The following RGMA variants were observed in gnomAD, a reference collection of about 807,000 sequenced individuals.
RGMA encodes the protein repulsive guidance molecule BMP co-receptor a.
In RGMA, 10 loss-of-function variants were observed where a neutral mutation model predicts 23.2. The ratio of observed to expected loss-of-function variants is 0.43; its 90% CI spans 0.27 to 0.73. RGMA has a LOEUF of 0.73. Among genes scored for constraint, RGMA ranks in the 30% least tolerant of loss-of-function variants. The probability of loss-of-function intolerance (pLI) is 0.20; values close to 1 mark genes in which losing one functional copy is unlikely to be tolerated. For synonymous variants in RGMA, 308 were observed against 279.3 expected (o/e 1.10, Z -1.03); for missense variants, 547 against 630.5 (o/e 0.87, Z 1.42).
chr15:93,059,593 A>G (rs2055069676), intron 2 of RGMA, among the ~76,000 whole-genome samples: 3 of 152,218 alleles, frequency 2.0e-5, no homozygotes, highest in African/African-American at 7.2e-5. Context: ...GATGGGTCCC[A>G]GAAATGTGTG....
chr15:93,041,348 G>A lies in RGMA; in HGVS notation c.*3650C>T, dbSNP rs963228480. On this transcript the variant is annotated 3_prime_UTR_variant, in exon 4 of 4. Transcript: ENST00000329082. Reference sequence around the variant, plus strand: ...CCAGGCCGCAGGCCTCCGCGGAGCTGGCAGCCAGGAACCTCCAGAGGCTCC... The same window carrying A: ...CCAGGCCGCAGGCCTCCGCGGAGCTAGCAGCCAGGAACCTCCAGAGGCTCC... 5 of 152,232 alleles carry A rather than the reference G, an allele frequency of 3.3e-5. No homozygotes were observed. Among genetic ancestry groups the A allele is most frequent in the Non-Finnish European group, 7.3e-5 (5 of 68,068 alleles). 9.4% of individuals were successfully genotyped at this position (152,232 alleles called of 1,614,324 possible). A position where few individuals can be genotyped will look rare whatever the true frequency, so the allele number is the denominator to read the frequency against.
At chr15:93,066,448 G>A (rs1000731270) in intron 2 of RGMA, 13 of 595,272 alleles carry the variant, frequency 2.2e-5, no homozygotes, top group Admixed American at 4.3e-5. Context: ...GGCTGCCGCC[G>A]GGTTGCCACG....
chr15:93,069,866 G>C (rs1895268751), intron 2 of RGMA, among the ~76,000 whole-genome samples: 1 of 152,262 alleles, frequency 6.6e-6, no homozygotes, highest in East Asian at 1.9e-4. Flanking sequence ...ACATATGCCT[G>C]GATGGATTTC....
Position 93,088,269 on chromosome 15 carries a change from C to T in RGMA, c.14+650G>A, listed in dbSNP as rs572668431. The T allele has an allele frequency of 3.4e-5, 34 of 985,522 alleles. No homozygotes were observed. The South Asian group carries it at 5.2e-4, about 15-fold the overall frequency. 61.0% of individuals were successfully genotyped at this position (985,522 alleles called of 1,614,324 possible). ...CATTGAATACACCTGTCCCCCATGC[C>T]CGGGCTTGTACCCTGGGTTGAGCTG... On this transcript the variant is annotated intron_variant, in intron 1 of 3. Transcript: ENST00000329082.
intron 1 of RGMA, chr15:93,088,317 G>C: frequency 1.0e-6 from 1 of 985,416 alleles, no homozygotes; most frequent in Non-Finnish European, 1.2e-6. Context: ...GCGCTGAATC[G>C]TCGCCGTGCC....
chr15:93,088,650 G>T, intron 1 of RGMA: 1 of 1,017,806 alleles, frequency 9.8e-7, no homozygotes, highest in Non-Finnish European at 1.3e-6. Context: ...TGTAAGGGAC[G>T]TGTGCCGGGT....
At chr15:93,083,414 G>A (rs1772946250) in intron 1 of RGMA, among the ~76,000 whole-genome samples, 1 of 151,712 alleles carries the variant, frequency 6.6e-6, no homozygotes, top group Non-Finnish European at 1.5e-5. Context: ...TGCAACCCCC[G>A]CTTCCAAGGT....
intron 2 of RGMA, among the ~76,000 whole-genome samples, chr15:93,058,808 C>T (rs8033959): frequency 0.21 from 31,263 of 152,066 alleles, 3,780 homozygotes; most frequent in Middle Eastern, 0.34. Context: ...GAAGGTGCTG[C>T]GGGGCCACAA....
chr15:93,037,819 G>A lies in RGMA; in HGVS notation c.*7179C>T, dbSNP rs1159649440. ...TGAGTTCAGATGTGGAAGAATCCAA[G>A]TGCCGTCTCAGGGTCACCCTGGGCA... On this transcript the variant is annotated 3_prime_UTR_variant, in exon 4 of 4. Transcript: ENST00000329082. This position sits in a 1 kb window ranked among gnomAD's most constrained non-coding sequence, Gnocchi z 4.3. 2 of 152,248 alleles carry A rather than the reference G, an allele frequency of 1.3e-5. No individual in the cohort carries two copies. Among genetic ancestry groups the A allele is most frequent in the Non-Finnish European group, 2.9e-5 (2 of 68,072 alleles). The allele number at this position is 152,248 out of a possible 1,614,324, so 9.4% of individuals were successfully genotyped here. A position where few individuals can be genotyped will look rare whatever the true frequency, so the allele number is the denominator to read the frequency against.
intron 3 of RGMA, among the ~76,000 whole-genome samples, chr15:93,046,241 G>A (rs1314151649): frequency 6.6e-6 from 1 of 152,164 alleles, no homozygotes; most frequent in Non-Finnish European, 1.5e-5. Context: ...AGGGAGATTT[G>A]ACTAACTAGG....
chr15:93,079,282 T>C (rs1258388004), intron 1 of RGMA, among the ~76,000 whole-genome samples: 2 of 152,238 alleles, frequency 1.3e-5, no homozygotes. Context: ...GACTTACTAT[T>C]GTAAATGACC....
At chr15:93,080,839 A>C (rs562476253) in intron 1 of RGMA, among the ~76,000 whole-genome samples, 25 of 151,774 alleles carry the variant, frequency 1.6e-4, no homozygotes, top group African/African-American at 6.0e-4. Context: ...TACTTCTCCC[A>C]TTTCTTTTTA....
intron 3 of RGMA, among the ~76,000 whole-genome samples, chr15:93,046,577 A>G (rs1469911516): frequency 6.6e-6 from 1 of 152,186 alleles, no homozygotes; most frequent in African/African-American, 2.4e-5. Flanking sequence ...CTGACAAAGG[A>G]CCCAAGCAAA....
intron 1 of RGMA, among the ~76,000 whole-genome samples, chr15:93,076,103 T>C (rs1354078711): frequency 6.6e-6 from 1 of 152,240 alleles, no homozygotes; most frequent in African/African-American, 2.4e-5. Flanking sequence ...AAAAGTGTAG[T>C]TGACTTCAAA....
At chr15:93,051,276 C>T (rs948098954) in intron 3 of RGMA, among the ~76,000 whole-genome samples, 5 of 152,168 alleles carry the variant, frequency 3.3e-5, no homozygotes, top group South Asian at 2.1e-4. Flanking sequence ...TGGCACTGCC[C>T]GACACACGGC....
intron 2 of RGMA, among the ~76,000 whole-genome samples, chr15:93,059,783 T>G (rs1224919577): frequency 6.6e-6 from 1 of 152,110 alleles, no homozygotes; most frequent in East Asian, 1.9e-4. Flanking sequence ...TCAAAAGCAA[T>G]AGCTGTGGTG....
chr15:93,070,868 T>C (rs1363045152), intron 2 of RGMA, among the ~76,000 whole-genome samples: 2 of 152,224 alleles, frequency 1.3e-5, no homozygotes, highest in Admixed American at 6.5e-5. Flanking sequence ...CTGTGACTTA[T>C]ATAACCTACC....
rs117183473 is a variant in RGMA, at chr15:93,036,937, A to G, written c.*8061T>C. ...ACAAAGCAATGCAGGACTCGTTTCT[A>G]TTTCCCAAGGAGGTAGACGTGGTGT... is the stretch of plus-strand genomic sequence containing the variant. On this transcript the variant is annotated 3_prime_UTR_variant, in exon 4 of 4. Coordinates refer to ENST00000329082, the MANE Select transcript of RGMA (RefSeq NM_020211.3). 9.7e-3 allele frequency: 1,474 copies of G among 152,160 alleles called. 13 individuals carry two copies. Among genetic ancestry groups the G allele is most frequent in the Non-Finnish European group, 0.013 (869 of 68,018 alleles). The allele number at this position is 152,160 out of a possible 1,614,324, so 9.4% of individuals were successfully genotyped here.
chr15:93,074,573 T>C (rs1296938557), intron 1 of RGMA, among the ~76,000 whole-genome samples: 1 of 152,260 alleles, frequency 6.6e-6, no homozygotes, highest in African/African-American at 2.4e-5. Context: ...GGGGTGTCAC[T>C]GTGTTTCCCT....
Sources: gnomAD v4.1 joint callset for allele counts (sites outside exome capture counted in the v4.1 genomes callset) on GRCh38, gnomAD v4.1.1 for gene constraint, Gnocchi (gnomAD v3.1) non-coding constraint, MANE v1.5 for transcripts, NCBI Gene and HGNC (gene_info 2026-07-23, HGNC 2026-07-21) for gene names.